Variants in SEC16B observed in about 807,000 individuals in gnomAD.
The protein encoded by SEC16B is SEC16 homolog B, endoplasmic reticulum export factor.
SEC16B carries 115 observed loss-of-function variants against 141.8 expected under a neutral mutation model. The observed-to-expected ratio is 0.81, with a 90% CI of 0.70 to 0.95. SEC16B has a LOEUF of 0.95. Ranked by LOEUF, SEC16B falls within the 40% of genes least tolerant of loss-of-function variation. SEC16B has a pLI of 0.00. For synonymous variants in SEC16B, 493 were observed against 492.5 expected, an observed-to-expected ratio of 1.00 and a Z score of -0.01; for missense variants, 1,291 against 1,312.3, an observed-to-expected ratio of 0.98 and a Z score of 0.25.
chr1:177,954,336 TG>T lies in SEC16B; in HGVS notation c.1405del (p.His469MetfsTer18). On this transcript the variant is annotated frameshift_variant, in exon 11 of 26. Coordinates refer to ENST00000308284, the MANE Select transcript of SEC16B (RefSeq NM_033127.4). LOFTEE classifies it high-confidence loss of function. ...EWAMKNHLWGHALFLSSKMDP... is the reference protein window; with the variant it reads ...EWAMKNHLWGXALFLSSKMDP... ...CATCTTGCTGGACAGGAACAAAGCA[TG>T]GCCCCACAAGTGGTTCTTCATGGCC... 1 of 1,576,634 alleles carries T rather than the reference TG, an allele frequency of 6.3e-7. No individual in the cohort carries two copies. The highest frequency in any genetic ancestry group is 8.6e-7 in the Non-Finnish European group (1 of 1,160,150).
intron 4 of SEC16B, 94 bp from the exon 5 acceptor site, chr1:177,964,373 G>A: frequency 1.3e-6 from 1 of 762,230 alleles, no homozygotes; most frequent in Non-Finnish European, 2.1e-6. Context: ...TCCAAAGCGT[G>A]GGCAGGTACC....
chr1:177,976,852 A>G (rs778750874), intron 1 of SEC16B, among the ~76,000 whole-genome samples: 10 of 152,166 alleles, frequency 6.6e-5, no homozygotes, highest in Non-Finnish European at 1.2e-4. Flanking sequence ...CCATTGAGCC[A>G]TGAGATCAAA....
chr1:177,978,180 T>G (rs1280150918), intron 1 of SEC16B, among the ~76,000 whole-genome samples: 1 of 152,226 alleles, frequency 6.6e-6, no homozygotes, highest in Non-Finnish European at 1.5e-5. Flanking sequence ...GCAAGTTATT[T>G]AACCTCTCAG....
chr1:177,948,407 T>C, intron 12 of SEC16B: 1 of 1,304,500 alleles, frequency 7.7e-7, no homozygotes, highest in Middle Eastern at 2.1e-4. Flanking sequence ...CTATGTTTTC[T>C]GGCTCTACAA....
chr1:177,952,138 C>A, intron 11 of SEC16B, 143 bp from the exon 12 acceptor site: 1 of 692,922 alleles, frequency 1.4e-6, no homozygotes, highest in Non-Finnish European at 2.5e-6. Context: ...TTCTGCTGTG[C>A]CTCTGTCACA....
At chr1:177,955,545 C>G (rs1003027422) in intron 10 of SEC16B, among the ~76,000 whole-genome samples, 1 of 152,096 alleles carries the variant, frequency 6.6e-6, no homozygotes, top group Admixed American at 6.6e-5. Context: ...CGGGGTTTCT[C>G]CATGTCACCC....
At position 177,930,599 on chromosome 1, in the gene SEC16B, A is replaced by T; in HGVS notation, c.3057T>A (p.Pro1019=). 6.2e-7 allele frequency: 1 copy of T among 1,613,802 alleles called. No homozygotes were observed. The highest frequency in any genetic ancestry group is 8.5e-7 in the Non-Finnish European group (1 of 1,179,830). Residue 1019 remains proline, a synonymous_variant, in exon 25 of 26, where the codon CCT becomes CCA. Coordinates refer to ENST00000308284, the MANE Select transcript of SEC16B (RefSeq NM_033127.4). The stretch of plus-strand genomic sequence containing the variant: ...GAACAGCCCCTTTTAAGGCAGGTGG[A>T]GGAAGAAGAACACCAGGGTTGGAGC... ...ELCSNPGVLL[P]PPALKGAVPL...
intron 5 of SEC16B, 78 bp downstream of exon 5, chr1:177,964,093 G>T: frequency 2.0e-6 from 2 of 1,011,056 alleles, no homozygotes; most frequent in Non-Finnish European, 2.9e-6. Context: ...ATCCCCAAGG[G>T]CCCTGTTCTG....
chr1:177,948,649 AGGAGAATTTCAAG>A, intron 12 of SEC16B: 2 of 1,283,184 alleles, frequency 1.6e-6, no homozygotes, highest in African/African-American at 3.1e-5. Flanking sequence ...TACTAAATAA[AGGAGAATTTCAAG>A]GCAGAAAATA....
At chr1:177,964,809 C>T (rs540012870) in intron 4 of SEC16B, among the ~76,000 whole-genome samples, 246 of 152,302 alleles carry the variant, frequency 1.6e-3, no homozygotes, top group African/African-American at 5.7e-3. Context: ...AGGAACCTCA[C>T]AGGACTCAGA....
chr1:177,940,121 G>T (rs1373970301), intron 17 of SEC16B, among the ~76,000 whole-genome samples: 2 of 152,188 alleles, frequency 1.3e-5, no homozygotes, highest in Admixed American at 6.5e-5. Context: ...AGAGCAGAAT[G>T]GGAAAAAGAA....
chr1:177,937,881 TTGC>T (rs1650978689), intron 18 of SEC16B, among the ~76,000 whole-genome samples: 1 of 152,046 alleles, frequency 6.6e-6, no homozygotes, highest in Non-Finnish European at 1.5e-5. Flanking sequence ...CCCCTCTCTT[TTGC>T]AGTTTAGACA....
chr1:177,949,349 A>G (rs773630442), intron 12 of SEC16B, among the ~76,000 whole-genome samples: 2 of 150,972 alleles, frequency 1.3e-5, no homozygotes, highest in Non-Finnish European at 2.9e-5. Context: ...CTGGATCTAC[A>G]GAAACCAGCA....
chr1:177,941,528 A>G (rs965958414), intron 16 of SEC16B, among the ~76,000 whole-genome samples: 1 of 152,228 alleles, frequency 6.6e-6, no homozygotes, highest in Non-Finnish European at 1.5e-5. Flanking sequence ...AAGCATTTTA[A>G]TAAGGATCAT....
intron 24 of SEC16B, 138 bp from the exon 25 acceptor site, chr1:177,930,781 G>T: frequency 1.8e-6 from 1 of 551,784 alleles, no homozygotes. Flanking sequence ...CTCTCCAAAG[G>T]ACATGAATAT....
intron 22 of SEC16B, 54 bp from the exon 23 acceptor site, chr1:177,932,860 G>A (rs1363923438): frequency 6.7e-6 from 10 of 1,500,218 alleles, no homozygotes; most frequent in Non-Finnish European, 9.1e-6. Context: ...TTAACAAATT[G>A]ATGCCCGCCA....
chr1:177,938,546 G>A (rs555572298), intron 18 of SEC16B, among the ~76,000 whole-genome samples: 4 of 152,284 alleles, frequency 2.6e-5, no homozygotes, highest in Admixed American at 6.5e-5. Flanking sequence ...CCCAGCCTGC[G>A]GGATGGCCAC....
At chr1:177,948,596 G>A (rs550823401) in intron 12 of SEC16B, 10 of 1,303,848 alleles carry the variant, frequency 7.7e-6, no homozygotes, top group South Asian at 3.7e-5. Context: ...ACAAAGCCCC[G>A]CATCAATGGT....
intron 18 of SEC16B, among the ~76,000 whole-genome samples, chr1:177,938,664 A>G (rs1467224693): frequency 6.6e-6 from 1 of 152,156 alleles, no homozygotes; most frequent in Non-Finnish European, 1.5e-5. Flanking sequence ...CTGAGCCTCT[A>G]GCCAGTGGGT....
Sources: gnomAD v4.1 joint callset for allele counts (sites outside exome capture counted in the v4.1 genomes callset) on GRCh38, gnomAD v4.1.1 for gene constraint, MANE v1.5 for transcripts, NCBI Gene and HGNC (gene_info 2026-07-23, HGNC 2026-07-21) for gene names.